Variants in NXPH1 observed in about 807,000 individuals in gnomAD.
The protein encoded by NXPH1 is neurexophilin 1.
In NXPH1, 5 loss-of-function variants were observed where a neutral mutation model predicts 23.7. The ratio of observed to expected loss-of-function variants is 0.21; its 90% CI spans 0.11 to 0.44. The LOEUF is 0.44. Ranked by LOEUF, NXPH1 falls within the 20% of genes least tolerant of loss-of-function variation. The pLI, the probability that NXPH1 is intolerant of heterozygous loss-of-function variation, is 0.99. For synonymous variants in NXPH1, 144 were observed against 122.2 expected, an observed-to-expected ratio of 1.18 and a Z score of -1.18; for missense variants, 324 against 321.6, an observed-to-expected ratio of 1.01 and a Z score of -0.06.
At chr7:8,496,548 A>G (rs1817341235) in intron 2 of NXPH1, among the ~76,000 whole-genome samples, 2 of 152,068 alleles carry the variant, frequency 1.3e-5, no homozygotes, top group Non-Finnish European at 1.5e-5. Context: ...AATAAGAGAC[A>G]AAAGAGAATT....
chr7:8,479,724 C>T (rs1441297059), intron 2 of NXPH1, among the ~76,000 whole-genome samples: 1 of 152,092 alleles, frequency 6.6e-6, no homozygotes, highest in Non-Finnish European at 1.5e-5. Flanking sequence ...AGGAAGCTAT[C>T]AGAAACTCCT....
intron 2 of NXPH1, among the ~76,000 whole-genome samples, chr7:8,670,955 T>C (rs1447417481): frequency 1.3e-5 from 2 of 152,192 alleles, no homozygotes; most frequent in African/African-American, 4.8e-5. Flanking sequence ...TGGTCTTATC[T>C]ACTTGGGATG....
chr7:8,731,067 C>T (rs1473227321), intron 2 of NXPH1, among the ~76,000 whole-genome samples: 3 of 149,922 alleles, frequency 2.0e-5, no homozygotes, highest in Admixed American at 1.3e-4. Flanking sequence ...TCTAAACTTC[C>T]CTTCTCGCTT....
At chr7:8,444,556 G>A (rs1014900967) in intron 2 of NXPH1, among the ~76,000 whole-genome samples, 2 of 152,218 alleles carry the variant, frequency 1.3e-5, no homozygotes, top group Non-Finnish European at 2.9e-5. Flanking sequence ...ACACTCAGAA[G>A]TTGCCTGATG....
Position 8,435,591 on chromosome 7 carries a change from T to C in NXPH1, c.-110-13T>C, listed in dbSNP as rs1816178793. 2.3e-6 allele frequency: 2 copies of C among 868,256 alleles called. No individual in the cohort carries two copies. Among genetic ancestry groups the C allele is most frequent in the African/African-American group, 3.3e-5 (2 of 60,458 alleles). The allele number at this position is 868,256 out of a possible 1,614,324, so 53.8% of individuals were successfully genotyped here. Reference sequence around the variant, plus strand: ...CGCGTAGTCATGGGATGTCTAATTTTATTTGCATCTAGGCTGCTGAGAGCG... The same window carrying C: ...CGCGTAGTCATGGGATGTCTAATTTCATTTGCATCTAGGCTGCTGAGAGCG... On this transcript the variant is annotated splice_polypyrimidine_tract_variant and intron_variant, in intron 1 of 2. Coordinates refer to ENST00000405863, the MANE Select transcript of NXPH1 (RefSeq NM_152745.3). The surrounding 1 kb of genome is among the most constrained non-coding windows in gnomAD (Gnocchi z 5.9).
intron 2 of NXPH1, among the ~76,000 whole-genome samples, chr7:8,645,235 T>A (rs1014591540): frequency 6.6e-6 from 1 of 152,184 alleles, no homozygotes; most frequent in African/African-American, 2.4e-5. Context: ...TTAATTTTAT[T>A]AGATAACTTA....
chr7:8,692,528 G>A (rs1583232869), intron 2 of NXPH1, among the ~76,000 whole-genome samples: 3 of 152,152 alleles, frequency 2.0e-5, no homozygotes, highest in Non-Finnish European at 2.9e-5. Flanking sequence ...AGACTTCCTA[G>A]GTAAGAACTC....
intron 2 of NXPH1, among the ~76,000 whole-genome samples, chr7:8,680,578 A>T (rs1821034225): frequency 6.6e-6 from 1 of 152,260 alleles, no homozygotes; most frequent in African/African-American, 2.4e-5. Context: ...ATGAAACAAA[A>T]CTAAAAATAT....
chr7:8,667,167 T>C (rs572697766), intron 2 of NXPH1, among the ~76,000 whole-genome samples: 10 of 141,548 alleles, frequency 7.1e-5, no homozygotes, highest in African/African-American at 2.3e-4. Context: ...ATTGCAGCTG[T>C]TTTTTTAAAT....
chr7:8,708,469 T>C (rs945197665), intron 2 of NXPH1, among the ~76,000 whole-genome samples: 6 of 152,182 alleles, frequency 3.9e-5, no homozygotes, highest in Non-Finnish European at 8.8e-5. Context: ...CAAGTGATTC[T>C]CTTGCCTTAG....
chr7:8,689,715 G>T (rs1409801901), intron 2 of NXPH1, among the ~76,000 whole-genome samples: 1 of 152,144 alleles, frequency 6.6e-6, no homozygotes, highest in Non-Finnish European at 1.5e-5. Context: ...AGTCAGAAAG[G>T]AATCCACTAA....
chr7:8,749,374 G>C (rs957533988), intron 2 of NXPH1, among the ~76,000 whole-genome samples: 1 of 152,132 alleles, frequency 6.6e-6, no homozygotes, highest in African/African-American at 2.4e-5. Flanking sequence ...AGCTGGGAGG[G>C]AATTCCAGGG....
chr7:8,619,733 T>C (rs1003697984), intron 2 of NXPH1, among the ~76,000 whole-genome samples: 4 of 152,204 alleles, frequency 2.6e-5, no homozygotes, highest in African/African-American at 9.6e-5. Context: ...AGAAAAGGAA[T>C]AATTCTCTGC....
intron 2 of NXPH1, among the ~76,000 whole-genome samples, chr7:8,717,894 G>GTGTGTATATA (rs71545892): frequency 2.7e-5 from 4 of 147,178 alleles, no homozygotes; most frequent in Non-Finnish European, 6.0e-5. Flanking sequence ...CTCTCTGTGT[G>GTGTGTATATA]TATATATATA....
chr7:8,502,224 T>G (rs1040027570), intron 2 of NXPH1, among the ~76,000 whole-genome samples: 5 of 152,070 alleles, frequency 3.3e-5, no homozygotes, highest in African/African-American at 9.7e-5. Context: ...ATTTTTTAAA[T>G]GTACAGAAAT....
intron 2 of NXPH1, among the ~76,000 whole-genome samples, chr7:8,733,597 A>G (rs1416847049): frequency 6.6e-6 from 1 of 151,958 alleles, no homozygotes; most frequent in Non-Finnish European, 1.5e-5. Context: ...ATAGTATCTC[A>G]TTGTGGTTTT....
In NXPH1 at chr7:8,723,298, A is replaced by G. The variant is rs183673118; in HGVS notation, c.55-27710A>G. ...TTGGCAGGCTCTGTTCTCTGCTTCA[A>G]TTCTATCAGTATTCTTTTCATTACC... On this transcript the variant is annotated intron_variant, in intron 2 of 2. Coordinates refer to ENST00000405863, the MANE Select transcript of NXPH1 (RefSeq NM_152745.3). Among the ~76,000 whole-genome samples the G allele has an allele frequency of 4.1e-4, 63 of 152,308 alleles. 1 individual carries two copies. The highest frequency in any genetic ancestry group is 1.4e-3 in the African/African-American group (60 of 41,560).
At chr7:8,673,081 C>G (rs533595975) in intron 2 of NXPH1, among the ~76,000 whole-genome samples, 4 of 152,224 alleles carry the variant, frequency 2.6e-5, no homozygotes, top group African/African-American at 9.6e-5. Flanking sequence ...GGGTTGCTGA[C>G]AAATAATGAA....
intron 2 of NXPH1, among the ~76,000 whole-genome samples, chr7:8,493,064 G>A (rs1200637498): frequency 6.6e-6 from 1 of 151,992 alleles, no homozygotes; most frequent in Non-Finnish European, 1.5e-5. Flanking sequence ...TCTTGGGGCA[G>A]CATGTGATGA....
Sources: gnomAD v4.1 joint callset for allele counts (sites outside exome capture counted in the v4.1 genomes callset) on GRCh38, gnomAD v4.1.1 for gene constraint, Gnocchi (gnomAD v3.1) non-coding constraint, MANE v1.5 for transcripts, NCBI Gene and HGNC (gene_info 2026-07-23, HGNC 2026-07-21) for gene names.